The following KATNIP variants were observed in gnomAD, a reference collection of about 807,000 sequenced individuals.
The protein encoded by KATNIP is katanin interacting protein, also known as katanin-interacting protein.
A neutral mutation model predicts 174.0 loss-of-function variants in KATNIP; 126 were observed. That is an observed-to-expected ratio of 0.72 (90% CI 0.63 to 0.84). The LOEUF (loss-of-function observed/expected upper bound fraction) is 0.84. Among genes scored for constraint, KATNIP ranks in the 40% least tolerant of loss-of-function variants. The pLI, the probability that KATNIP is intolerant of heterozygous loss-of-function variation, is 0.00. For missense variants in KATNIP, 1,958 were observed against 2,109.7 expected, an observed-to-expected ratio of 0.93 and a Z score of 1.41; for synonymous variants, 810 against 835.7, an observed-to-expected ratio of 0.97 and a Z score of 0.53.
chr16:27,723,692 T>C (rs189256061), intron 14 of KATNIP, among the ~76,000 whole-genome samples: 1 of 152,352 alleles, frequency 6.6e-6, no homozygotes, highest in African/African-American at 2.4e-5. Context: ...TTATCCTTAC[T>C]GATATCCAGA....
intron 5 of KATNIP, 128 bp downstream of exon 5, chr16:27,631,290 G>T: frequency 1.5e-6 from 1 of 689,214 alleles, no homozygotes; most frequent in Non-Finnish European, 2.4e-6. Flanking sequence ...TGCAATCCCA[G>T]CATTTTGGGA....
chr16:27,609,210 G>T (rs774101150), intron 2 of KATNIP, among the ~76,000 whole-genome samples: 2 of 151,940 alleles, frequency 1.3e-5, no homozygotes, highest in Non-Finnish European at 2.9e-5. Flanking sequence ...TCTCATTCTA[G>T]TGCAAGGACA....
At chr16:27,729,321 G>A (rs544845329) in intron 14 of KATNIP, among the ~76,000 whole-genome samples, 61 of 152,258 alleles carry the variant, frequency 4.0e-4, no homozygotes, top group Admixed American at 1.2e-3. Context: ...AGCAGCCCCC[G>A]CAGAAAGAGA....
intron 6 of KATNIP, among the ~76,000 whole-genome samples, chr16:27,652,183 G>A (rs1458313741): frequency 6.6e-6 from 1 of 152,168 alleles, no homozygotes; most frequent in East Asian, 1.9e-4. Context: ...GAGACAACAG[G>A]GCTGATAAGA....
At chr16:27,568,446 C>T (rs918206305) in intron 1 of KATNIP, among the ~76,000 whole-genome samples, 4 of 152,026 alleles carry the variant, frequency 2.6e-5, no homozygotes, top group African/African-American at 4.8e-5. Flanking sequence ...TGTGAGCAAC[C>T]GGGCCTTGCC....
At chr16:27,676,644 C>CAT (rs1193867711) in intron 6 of KATNIP, among the ~76,000 whole-genome samples, 1 of 152,088 alleles carries the variant, frequency 6.6e-6, no homozygotes, top group Admixed American at 6.6e-5. Context: ...GCTGACCAAA[C>CAT]ATACTGGTTT....
intron 1 of KATNIP, among the ~76,000 whole-genome samples, 162 bp downstream of exon 1, chr16:27,550,339 C>G (rs560663192): frequency 6.6e-6 from 1 of 152,216 alleles, no homozygotes; most frequent in East Asian, 1.9e-4. Context: ...GTCTGGAACG[C>G]GGAGGAGAGC....
At position 27,740,824 on chromosome 16, in the gene KATNIP, C is replaced by T. The variant is rs1162239163; in HGVS notation, c.2527C>T (p.Gln843Ter). The T allele has an allele frequency of 6.2e-7, 1 of 1,613,828 alleles. No individual in the cohort carries two copies. The highest frequency in any genetic ancestry group is 2.2e-5 in the East Asian group (1 of 44,880). ...CAGTGATGACTCAGACATCTTTAAC[C>T]AGCCCCCCAACAGAGAGCGCCCTGC... ...VHSDDSDIFNQPPNRERPASG... is the reference protein window; with the variant it reads ...VHSDDSDIFN The change falls in exon 15 of 28, where the codon CAG (glutamine) becomes TAG (stop). Residue 843 changes from glutamine (Q) to a stop codon, truncating the protein, a stop_gained. Coordinates refer to ENST00000261588, the MANE Select transcript of KATNIP (RefSeq NM_015202.5). LOFTEE classifies it high-confidence loss of function.
intron 8 of KATNIP, among the ~76,000 whole-genome samples, chr16:27,693,201 A>G (rs747443764): frequency 6.6e-6 from 1 of 152,142 alleles, no homozygotes; most frequent in Non-Finnish European, 1.5e-5. Context: ...TGTTTGCTTT[A>G]CTTTCTCATC....
At chr16:27,686,879 T>C (rs1241695930) in intron 8 of KATNIP, among the ~76,000 whole-genome samples, 1 of 152,222 alleles carries the variant, frequency 6.6e-6, no homozygotes, top group Non-Finnish European at 1.5e-5. Context: ...CTCTATTTTT[T>C]CCTTTCCCAA....
At chr16:27,605,414 C>T (rs577457896) in intron 2 of KATNIP, among the ~76,000 whole-genome samples, 25 of 152,332 alleles carry the variant, frequency 1.6e-4, no homozygotes, top group African/African-American at 5.8e-4. Context: ...TAAAAATACA[C>T]CGTAACTGTG....
At chr16:27,634,488 A>G (rs980700784) in intron 5 of KATNIP, among the ~76,000 whole-genome samples, 1 of 152,184 alleles carries the variant, frequency 6.6e-6, no homozygotes, top group Non-Finnish European at 1.5e-5. Context: ...ACCATTGGGA[A>G]GGTGGGGTAT....
At chr16:27,766,535 T>C (rs1415647935) in intron 20 of KATNIP, 61 bp downstream of exon 20, 2 of 1,517,480 alleles carry the variant, frequency 1.3e-6, no homozygotes, top group African/African-American at 2.7e-5. Context: ...CCTTGATGAA[T>C]GGCTGGCGTG....
intron 2 of KATNIP, among the ~76,000 whole-genome samples, chr16:27,611,933 G>A (rs1322400699): frequency 6.6e-6 from 1 of 152,206 alleles, no homozygotes; most frequent in East Asian, 1.9e-4. Flanking sequence ...GGAGAGAATG[G>A]CAAGGGAAGC....
At chr16:27,686,233 G>A (rs1053801540) in intron 8 of KATNIP, among the ~76,000 whole-genome samples, 4 of 152,142 alleles carry the variant, frequency 2.6e-5, no homozygotes, top group African/African-American at 9.6e-5. Context: ...TGGGCTGCTT[G>A]TATGCTTTAC....
In KATNIP at chr16:27,746,752, G is replaced by C. The variant is rs541869809; in HGVS notation, c.2624-2832G>C. Among the ~76,000 whole-genome samples the C allele has an allele frequency of 1.2e-3, 184 of 152,324 alleles. 2 individuals are homozygous for C. Among genetic ancestry groups the C allele is most frequent in the South Asian group, 5.6e-3 (27 of 4,824 alleles). On this transcript the variant is annotated intron_variant, in intron 15 of 27. Transcript: ENST00000261588. ...GCTCTGAGGCCAGAAGAGACAGCCT[G>C]TCCAGGGAGCAGGAGGGCCAGCGGG...
At chr16:27,652,370 A>C (rs1000376426) in intron 6 of KATNIP, among the ~76,000 whole-genome samples, 3 of 152,180 alleles carry the variant, frequency 2.0e-5, no homozygotes. Context: ...ATTCTCCTTA[A>C]GTTTGAGGGG....
At chr16:27,658,045 T>A (rs1470329852) in intron 6 of KATNIP, among the ~76,000 whole-genome samples, 1 of 152,244 alleles carries the variant, frequency 6.6e-6, no homozygotes, top group African/African-American at 2.4e-5. Flanking sequence ...TCTCTTTATT[T>A]TTCCTTACAA....
chr16:27,743,460 G>C (rs77766330), intron 15 of KATNIP, among the ~76,000 whole-genome samples: 2 of 152,112 alleles, frequency 1.3e-5, no homozygotes, highest in Non-Finnish European at 2.9e-5. Flanking sequence ...AATTTTTGCT[G>C]CTCACCCCTT....
Sources: gnomAD v4.1 joint callset for allele counts (sites outside exome capture counted in the v4.1 genomes callset) on GRCh38, gnomAD v4.1.1 for gene constraint, MANE v1.5 for transcripts, NCBI Gene and HGNC (gene_info 2026-07-23, HGNC 2026-07-21) for gene names.